Variants in ANK2 observed in about 807,000 individuals in gnomAD.
ANK2 encodes the protein ankyrin 2.
Under a neutral mutation model 360.5 loss-of-function variants are expected in ANK2, and 83 were observed. The ratio of observed to expected loss-of-function variants is 0.23; its 90% CI spans 0.19 to 0.28. The LOEUF is 0.28. Ranked by LOEUF, ANK2 falls within the 10% of genes least tolerant of loss-of-function variation. ANK2 has a pLI of 1.00. For missense variants in ANK2, 4,201 were observed against 4,795.7 expected (o/e 0.88, Z 3.66); for synonymous variants, 1,740 against 1,759.5 (o/e 0.99, Z 0.28).
upstream of ANK2, among the ~76,000 whole-genome samples, chr4:112,814,475 A>G (rs2055506260): frequency 6.6e-6 from 1 of 151,846 alleles, no homozygotes; most frequent in Non-Finnish European, 1.5e-5. Context: ...GAGACAAGGT[A>G]TTACTCTGTT....
intron 4 of ANK2, among the ~76,000 whole-genome samples, chr4:113,210,989 CAAAT>C (rs2099015054): frequency 6.6e-6 from 1 of 152,148 alleles, no homozygotes; most frequent in South Asian, 2.1e-4. Context: ...ATATTGCACT[CAAAT>C]AAAGAATATC....
chr4:113,138,116 A>G (rs983503974), intron 1 of ANK2, among the ~76,000 whole-genome samples: 2 of 152,240 alleles, frequency 1.3e-5, no homozygotes, highest in Non-Finnish European at 2.9e-5. Flanking sequence ...ATGAAGGATC[A>G]TAAATAATTC....
At chr4:112,750,826 C>T in the ANK2 span, among the ~76,000 whole-genome samples, 837 of 152,048 alleles carry the variant, frequency 5.5e-3, 4 homozygotes, top group Non-Finnish European at 9.7e-3. Flanking sequence ...CACCTGGGTT[C>T]AAGCAGTTCT....
intron 1 of ANK2, among the ~76,000 whole-genome samples, chr4:112,876,222 G>A (rs777723115): frequency 1.3e-5 from 2 of 151,912 alleles, no homozygotes; most frequent in African/African-American, 2.4e-5. Flanking sequence ...CAGCTTCAAG[G>A]GATTCACTGC....
rs549253645 is a variant in ANK2, at chr4:112,977,492, A to G, written c.21+72978A>G. Among the ~76,000 whole-genome samples the G allele has an allele frequency of 1.8e-4, 28 of 151,994 alleles. 1 individual carries two copies. The highest frequency in any genetic ancestry group is 5.2e-4 in the Admixed American group (8 of 15,286). On this transcript the variant is annotated intron_variant, in intron 2 of 30. Coordinates refer to the ANK2 transcript ENST00000503271. ...AGTGTGATTATTATTTCTAATATCC[A>G]CCTTTACTCAATTCTCCTTTAAACA...
Position 113,199,258 on chromosome 4 carries a change from T to G in ANK2, c.384+149T>G, listed in dbSNP as rs544606781. The G allele has an allele frequency of 8.2e-5, 55 of 671,310 alleles. 3 individuals are homozygous for G. In the South Asian group the frequency reaches 1.1e-3, roughly 13 times the overall value. The allele number at this position is 671,310 out of a possible 1,614,324, so 41.6% of individuals were successfully genotyped here. A position where few individuals can be genotyped will look rare whatever the true frequency, so the allele number is the denominator to read the frequency against. On this transcript the variant is annotated intron_variant, in intron 4 of 45. Transcript: ENST00000357077. ...TTTAGCCAAATAATTTTATTAACCTTTATGATGAAGCTTATTTTTTCAACA... is the reference window on the plus strand; with the variant it reads ...TTTAGCCAAATAATTTTATTAACCTGTATGATGAAGCTTATTTTTTCAACA...
intron 1 of ANK2, among the ~76,000 whole-genome samples, chr4:112,895,104 A>C (rs577521506): frequency 5.9e-5 from 9 of 152,354 alleles, no homozygotes; most frequent in Admixed American, 5.9e-4. Flanking sequence ...AAATGGCCTA[A>C]GGGTAACTTA....
chr4:113,324,550 G>T (rs1189724200), intron 26 of ANK2, among the ~76,000 whole-genome samples: 1 of 152,080 alleles, frequency 6.6e-6, no homozygotes, highest in Non-Finnish European at 1.5e-5. Flanking sequence ...GCACGCTATT[G>T]TCTTTCCATA....
At chr4:112,810,930 C>CTTTCT in the ANK2 span, among the ~76,000 whole-genome samples, 2 of 137,068 alleles carry the variant, frequency 1.5e-5, no homozygotes, top group African/African-American at 2.7e-5. Context: ...TTCTTTCTTT[C>CTTTCT]TTTTTTTTTT....
chr4:112,733,436 A>G, the ANK2 span, among the ~76,000 whole-genome samples: 3 of 152,154 alleles, frequency 2.0e-5, no homozygotes, highest in African/African-American at 7.2e-5. Context: ...CCATAGCTCT[A>G]CTAGTGACAA....
At chr4:113,328,443 G>A (rs2091166454) in intron 26 of ANK2, among the ~76,000 whole-genome samples, 1 of 152,002 alleles carries the variant, frequency 6.6e-6, no homozygotes, top group South Asian at 2.1e-4. Flanking sequence ...CTGTCTAGAA[G>A]TGTTACCAGT....
At chr4:112,990,052 A>T (rs1381960276) in intron 2 of ANK2, among the ~76,000 whole-genome samples, 1 of 152,088 alleles carries the variant, frequency 6.6e-6, no homozygotes, top group Non-Finnish European at 1.5e-5. Flanking sequence ...AGGAAGATTG[A>T]TTGAGGCCAG....
upstream of ANK2, among the ~76,000 whole-genome samples, chr4:113,049,400 G>T (rs879793631): frequency 3.3e-5 from 5 of 152,022 alleles, no homozygotes; most frequent in African/African-American, 1.2e-4. Context: ...TTGTGTGTAG[G>T]TTGAGAGCTG....
At chr4:112,709,780 A>G in the ANK2 span, among the ~76,000 whole-genome samples, 1 of 152,180 alleles carries the variant, frequency 6.6e-6, no homozygotes, top group Admixed American at 6.5e-5. Flanking sequence ...TGGTGATAGC[A>G]TCTATCTGGA....
rs1021085784 is a variant in ANK2, at chr4:113,063,107, G to T, written c.84+13295G>T. Among the ~76,000 whole-genome samples, 10 of 152,098 alleles carry T rather than the reference G, an allele frequency of 6.6e-5. No homozygotes were observed. In the East Asian group the frequency reaches 1.9e-3, roughly 29 times the overall value. The stretch of plus-strand genomic sequence containing the variant: ...AGTTGAATATGACATTTAGTAAAAA[G>T]ATATCCAGTAGAATATATATTCATA... On this transcript the variant is annotated intron_variant, in intron 1 of 45. Transcript: ENST00000357077.
At chr4:113,200,440 G>T (rs574861954) in intron 4 of ANK2, among the ~76,000 whole-genome samples, 200 of 152,256 alleles carry the variant, frequency 1.3e-3, no homozygotes, top group Non-Finnish European at 1.3e-3. Context: ...AGTGAACATT[G>T]TACCCAATAG....
At chr4:112,918,574 A>AT (rs2090600972) in intron 2 of ANK2, among the ~76,000 whole-genome samples, 2 of 152,118 alleles carry the variant, frequency 1.3e-5, no homozygotes, top group Admixed American at 1.3e-4. Context: ...AGTGAATATT[A>AT]TTTTTCCTGT....
At chr4:113,226,545 C>G (rs1376838670) in intron 4 of ANK2, among the ~76,000 whole-genome samples, 1 of 152,070 alleles carries the variant, frequency 6.6e-6, no homozygotes, top group Admixed American at 6.6e-5. Flanking sequence ...ATATCCAACA[C>G]ATAATTTAAA....
chr4:113,143,932 G>C (rs924770417), intron 1 of ANK2, among the ~76,000 whole-genome samples: 3 of 152,128 alleles, frequency 2.0e-5, no homozygotes, highest in African/African-American at 7.2e-5. Context: ...AACATGAAAG[G>C]CTTTGCTTGA....
Sources: allele counts gnomAD v4.1 joint callset (sites outside exome capture counted in the v4.1 genomes callset), GRCh38; gene constraint gnomAD v4.1.1; transcripts MANE v1.5; gene names NCBI Gene and HGNC (gene_info 2026-07-23, HGNC 2026-07-21).